ASPRV1: variants seen among roughly 807,000 people sequenced by gnomAD.
ASPRV1 encodes the protein aspartic peptidase retroviral like 1.
A neutral mutation model predicts 11.0 loss-of-function variants in ASPRV1; 7 were observed. The observed-to-expected ratio is 0.64, with a 90% CI of 0.36 to 1.20. The LOEUF (loss-of-function observed/expected upper bound fraction) is 1.20. ASPRV1 is among the 50% of genes most tolerant of loss of function. ASPRV1 has a pLI of 0.02. For missense variants in ASPRV1, 299 were observed against 320.0 expected (o/e 0.93, Z 0.50); for synonymous variants, 136 against 138.4 (o/e 0.98, Z 0.12).
chr2:70,006,260 C>T, the ASPRV1 span, among the ~76,000 whole-genome samples: 81,269 of 152,082 alleles, frequency 0.53, 25,227 homozygotes, highest in African/African-American at 0.86. Context: ...GCCACAGCCA[C>T]AGAGAAGCCA....
the ASPRV1 span, chr2:69,938,038 C>T: frequency 2.4e-3 from 3,632 of 1,538,412 alleles, 24 homozygotes; most frequent in East Asian, 0.024. Context: ...TGAGCCACCA[C>T]GCCTGAGCTT....
chr2:69,949,783 G>GT, the ASPRV1 span, among the ~76,000 whole-genome samples: 9 of 152,090 alleles, frequency 5.9e-5, no homozygotes, highest in East Asian at 1.9e-4. Context: ...CATTTTTAAT[G>GT]TTTTTTATCA....
chr2:69,970,468 G>T, the ASPRV1 span, among the ~76,000 whole-genome samples: 2 of 152,040 alleles, frequency 1.3e-5, no homozygotes, highest in Non-Finnish European at 2.9e-5. Context: ...CAAACAGGAC[G>T]GGCTTTCTCA....
chr2:70,043,462 T>C, the ASPRV1 span, among the ~76,000 whole-genome samples: 1 of 152,158 alleles, frequency 6.6e-6, no homozygotes, highest in Non-Finnish European at 1.5e-5. Context: ...ACAGGGACTA[T>C]CTTTGCAGCT....
Position 69,960,549 on chromosome 2 carries a change from T to C in ASPRV1, c.*108A>G. The C allele has an allele frequency of 2.5e-6, 3 of 1,207,128 alleles. No homozygotes were observed. Among genetic ancestry groups the C allele is most frequent in the South Asian group, 2.9e-5 (2 of 69,522 alleles). 74.8% of individuals were successfully genotyped at this position (1,207,128 alleles called of 1,614,324 possible). On this transcript the variant is annotated 3_prime_UTR_variant, in exon 1 of 1. Coordinates refer to ENST00000320256, the MANE Select transcript of ASPRV1 (RefSeq NM_152792.4). ...GCAAAGGGGAGAGAAGAGCAAGAGT[T>C]GATAAGCAGACTGGCCAAGCCCAGT...
At chr2:69,965,239 C>T (rs1466424653), upstream of ASPRV1, among the ~76,000 whole-genome samples, 2 of 152,012 alleles carry the variant, frequency 1.3e-5, no homozygotes, top group Non-Finnish European at 2.9e-5. Flanking sequence ...CAGGTTTCAC[C>T]GTGTTAGCCA....
chr2:69,968,210 A>G, the ASPRV1 span, among the ~76,000 whole-genome samples: 1 of 152,156 alleles, frequency 6.6e-6, no homozygotes, highest in Middle Eastern at 3.4e-3. Context: ...GTCTATTAAA[A>G]TTTTAAGTTT....
the ASPRV1 span, among the ~76,000 whole-genome samples, chr2:70,079,767 T>G: frequency 6.6e-6 from 1 of 152,200 alleles, no homozygotes; most frequent in Non-Finnish European, 1.5e-5. Flanking sequence ...TCTTTCCTAT[T>G]CCACGCATAA....
At chr2:70,067,773 A>C in the ASPRV1 span, among the ~76,000 whole-genome samples, 1 of 152,204 alleles carries the variant, frequency 6.6e-6, no homozygotes, top group Non-Finnish European at 1.5e-5. Flanking sequence ...TCACCAATAC[A>C]TTACCTCTAG....
chr2:70,020,500 C>T, the ASPRV1 span, among the ~76,000 whole-genome samples: 3 of 152,058 alleles, frequency 2.0e-5, no homozygotes, highest in Admixed American at 1.3e-4. Context: ...CCCACCACTT[C>T]GAGAGGCAGA....
the ASPRV1 span, among the ~76,000 whole-genome samples, chr2:69,953,932 G>A: frequency 6.6e-6 from 1 of 151,252 alleles, no homozygotes; most frequent in Non-Finnish European, 1.5e-5. Flanking sequence ...TGGCCAGGCT[G>A]GTCTCGAACT....
the ASPRV1 span, among the ~76,000 whole-genome samples, chr2:70,055,217 T>C: frequency 6.6e-6 from 1 of 152,096 alleles, no homozygotes; most frequent in Non-Finnish European, 1.5e-5. Flanking sequence ...GGCAGGAGAA[T>C]CACTGGAACC....
the ASPRV1 span, among the ~76,000 whole-genome samples, chr2:69,990,329 C>A: frequency 6.6e-5 from 10 of 151,880 alleles, no homozygotes; most frequent in East Asian, 1.4e-3. Context: ...GATTACAGGC[C>A]CCCGCCACCA....
chr2:70,040,759 G>A, the ASPRV1 span, among the ~76,000 whole-genome samples: 7 of 150,008 alleles, frequency 4.7e-5, no homozygotes, highest in Non-Finnish European at 7.4e-5. Context: ...ACTTGAACCC[G>A]GGAGGCAGAG....
the ASPRV1 span, among the ~76,000 whole-genome samples, chr2:70,017,357 T>C: frequency 6.6e-6 from 1 of 152,190 alleles, no homozygotes; most frequent in African/African-American, 2.4e-5. Context: ...TTAAAAACTC[T>C]CAATAAATTA....
the ASPRV1 span, among the ~76,000 whole-genome samples, chr2:70,064,518 T>A: frequency 6.6e-6 from 1 of 152,192 alleles, no homozygotes; most frequent in African/African-American, 2.4e-5. Flanking sequence ...ATAACTTAGA[T>A]GATGAATAGG....
chr2:70,028,359 T>C, the ASPRV1 span: 1 of 152,212 alleles, frequency 6.6e-6, no homozygotes, highest in African/African-American at 2.4e-5. Flanking sequence ...TGAACTTATT[T>C]GCGCTGAGTC....
chr2:70,079,033 C>G, the ASPRV1 span, among the ~76,000 whole-genome samples: 1 of 152,142 alleles, frequency 6.6e-6, no homozygotes, highest in Non-Finnish European at 1.5e-5. Context: ...AAGGGAGACT[C>G]TCTATATATT....
At chr2:69,933,209 AAAAAAAAAAAAAAAAC>A in the ASPRV1 span, among the ~76,000 whole-genome samples, 13 of 149,774 alleles carry the variant, frequency 8.7e-5, no homozygotes, top group Non-Finnish European at 1.8e-4. Context: ...TCAAAAAAAA[AAAAAAAAAAAAAAAAC>A]AAAAAAAGAA....
Sources: allele counts gnomAD v4.1 joint callset (sites outside exome capture counted in the v4.1 genomes callset), GRCh38; gene constraint gnomAD v4.1.1; transcripts MANE v1.5; gene names NCBI Gene and HGNC (gene_info 2026-07-23, HGNC 2026-07-21).